GK5: variants seen among roughly 807,000 people sequenced by gnomAD.
GK5 encodes the protein ATP:glycerol 3-phosphotransferase 5.
In GK5, 39 loss-of-function variants were observed where a neutral mutation model predicts 77.3. That is an observed-to-expected ratio of 0.50 (90% CI 0.39 to 0.66). The LOEUF (loss-of-function observed/expected upper bound fraction) is 0.66. GK5 is among the 30% of genes least tolerant of loss of function. GK5 has a pLI of 0.00. For missense variants in GK5, 487 were observed against 633.8 expected, an observed-to-expected ratio of 0.77 and a Z score of 2.49; for synonymous variants, 211 against 208.0, an observed-to-expected ratio of 1.01 and a Z score of -0.13.
chr3:142,216,065 G>A lies in GK5; in HGVS notation c.148-373C>T, dbSNP rs139858762. Reference sequence around the variant, plus strand: ...AAGCACACTCCACCCTGTCTCTTCCGCTAAATACAAATATAACACCTGGAC... The same window carrying A: ...AAGCACACTCCACCCTGTCTCTTCCACTAAATACAAATATAACACCTGGAC... On this transcript the variant is annotated intron_variant, in intron 1 of 15. Coordinates refer to ENST00000392993, the MANE Select transcript of GK5 (RefSeq NM_001039547.3). 9.5e-3 allele frequency among the ~76,000 whole-genome samples: 1,444 copies of A among 152,246 alleles called. 32 individuals carry two copies. The highest frequency in any genetic ancestry group is 0.033 in the African/African-American group (1,365 of 41,536).
chr3:142,193,146 G>A (rs745546254), intron 5 of GK5, among the ~76,000 whole-genome samples: 42 of 152,028 alleles, frequency 2.8e-4, no homozygotes, highest in African/African-American at 9.2e-4. Context: ...ATGTACCACC[G>A]TAATACAAGA....
chr3:142,165,898 T>C (rs2063468714), intron 15 of GK5, 128 bp from the exon 16 acceptor site: 1 of 575,608 alleles, frequency 1.7e-6, no homozygotes, highest in Non-Finnish European at 2.9e-6. Flanking sequence ...TCCAAAATAC[T>C]TTGTTACTTT....
intron 5 of GK5, among the ~76,000 whole-genome samples, chr3:142,191,560 G>A (rs1173896338): frequency 1.3e-5 from 2 of 151,810 alleles, no homozygotes; most frequent in African/African-American, 2.4e-5. Flanking sequence ...AAATTTGGCT[G>A]GGCGCTGTGT....
At position 142,225,396 on chromosome 3, in the gene GK5, G is replaced by A. The variant is rs376175665; in HGVS notation, c.60C>T (p.Phe20=). The A allele has an allele frequency of 7.5e-6, 12 of 1,598,602 alleles. No individual in the cohort carries two copies. Among genetic ancestry groups the A allele is most frequent in the East Asian group, 4.5e-5 (2 of 44,286 alleles). Residue 20 remains phenylalanine (F), a synonymous_variant, in exon 1 of 16, where the codon TTC becomes TTT. Transcript: ENST00000392993. ...QRAQEPRYPG[F]VLGLDVGSSV... ...AACTGCCCACATCCAGCCCCAGCAC[G>A]AAGCCGGGGTACCGCGGCTCCTGCG...
At chr3:142,182,521 G>C (rs1394504680) in intron 10 of GK5, among the ~76,000 whole-genome samples, 2 of 151,992 alleles carry the variant, frequency 1.3e-5, no homozygotes, top group Non-Finnish European at 2.9e-5. Context: ...TAATTTTTTT[G>C]TATTTTTAGT....
intron 5 of GK5, among the ~76,000 whole-genome samples, chr3:142,190,490 C>T (rs1484352016): frequency 6.6e-6 from 1 of 152,156 alleles, no homozygotes; most frequent in African/African-American, 2.4e-5. Flanking sequence ...GCAGAAATTA[C>T]ATTTGAAGAG....
At chr3:142,224,124 G>C (rs1011520356) in intron 1 of GK5, among the ~76,000 whole-genome samples, 6 of 152,120 alleles carry the variant, frequency 3.9e-5, no homozygotes, top group African/African-American at 7.2e-5. Flanking sequence ...ACCATAACAG[G>C]CTGGCTGCAG....
chr3:142,215,398 A>G (rs539220050), intron 2 of GK5, among the ~76,000 whole-genome samples: 1 of 152,308 alleles, frequency 6.6e-6, no homozygotes, highest in South Asian at 2.1e-4. Flanking sequence ...AAACCAGAGG[A>G]CACAGCAGAT....
chr3:142,219,038 A>G (rs577190935), intron 1 of GK5, among the ~76,000 whole-genome samples: 116 of 152,342 alleles, frequency 7.6e-4, no homozygotes, highest in African/African-American at 2.7e-3. Context: ...GTCAAATCAA[A>G]TAAGTTTTAA....
intron 9 of GK5, chr3:142,185,064 T>C: frequency 3.0e-6 from 3 of 985,370 alleles, no homozygotes; most frequent in African/African-American, 1.7e-5. Context: ...AGGTGGTCTC[T>C]ACCTCCTGCT....
chr3:142,181,589 T>C (rs2063698199), intron 10 of GK5, 24 bp from the exon 11 acceptor site: 1 of 1,462,412 alleles, frequency 6.8e-7, no homozygotes, highest in South Asian at 1.2e-5. Context: ...CAACGAATGT[T>C]AAGTCAAATA....
At chr3:142,179,458 G>A (rs914365767) in intron 11 of GK5, among the ~76,000 whole-genome samples, 15 of 152,252 alleles carry the variant, frequency 9.9e-5, no homozygotes, top group African/African-American at 3.4e-4. Context: ...AAGGCAGGAG[G>A]ATCACTTGAA....
rs1164961371 is a variant in GK5 at position 142,223,101 on chromosome 3, G to A, written c.147+2208C>T. ...ACACATTTTCCACAGTTTAGAGTCTGTGCAAATCTTCCTGGCCTCCTGCCA... is the reference window on the plus strand; with the variant it reads ...ACACATTTTCCACAGTTTAGAGTCTATGCAAATCTTCCTGGCCTCCTGCCA... On this transcript the variant is annotated intron_variant, in intron 1 of 15. Transcript: ENST00000392993. Among the ~76,000 whole-genome samples the A allele has an allele frequency of 2.0e-5, 3 of 152,076 alleles. No individual in the cohort carries two copies. The East Asian group carries it at 5.8e-4, about 29-fold the overall frequency.
At chr3:142,176,524 T>C (rs1470874117) in intron 12 of GK5, among the ~76,000 whole-genome samples, 1 of 152,068 alleles carries the variant, frequency 6.6e-6, no homozygotes, top group Non-Finnish European at 1.5e-5. Context: ...ATTCTAAAAT[T>C]AAAGGTAGTA....
At chr3:142,173,663 A>C (rs1373116882) in intron 12 of GK5, among the ~76,000 whole-genome samples, 2 of 151,744 alleles carry the variant, frequency 1.3e-5, no homozygotes, top group Non-Finnish European at 2.9e-5. Flanking sequence ...TAGCCTGGGC[A>C]ACAGAGCAAG....
intron 1 of GK5, among the ~76,000 whole-genome samples, chr3:142,219,670 C>T (rs1200620268): frequency 3.3e-5 from 5 of 152,200 alleles, no homozygotes; most frequent in Non-Finnish European, 5.9e-5. Flanking sequence ...GTCGATTTTA[C>T]TTTAACTTAA....
At chr3:142,216,295 T>A (rs977320641) in intron 1 of GK5, among the ~76,000 whole-genome samples, 52 of 152,096 alleles carry the variant, frequency 3.4e-4, no homozygotes, top group East Asian at 1.9e-3. Flanking sequence ...AGCTCTACTG[T>A]TTTGGCTCAA....
chr3:142,203,549 C>T (rs2064060094), intron 4 of GK5, among the ~76,000 whole-genome samples: 1 of 152,124 alleles, frequency 6.6e-6, no homozygotes, highest in Admixed American at 6.5e-5. Context: ...CCAAGGCAGG[C>T]GGATCATCAG....
At position 142,165,443 on chromosome 3, in the gene GK5, G is replaced by T; in HGVS notation, c.*179C>A. 1 of 463,350 alleles carries T rather than the reference G, an allele frequency of 2.2e-6. No homozygotes were observed. Among genetic ancestry groups the T allele is most frequent in the Non-Finnish European group, 3.7e-6 (1 of 268,250 alleles). 28.7% of individuals were successfully genotyped at this position (463,350 alleles called of 1,614,324 possible). ...TATTGCTGCCTTACCATGGTTTAGG[G>T]GAAAAAAATAAGAGTTTTTTGTTCC... On this transcript the variant is annotated 3_prime_UTR_variant, in exon 16 of 16. Coordinates refer to ENST00000392993, the MANE Select transcript of GK5 (RefSeq NM_001039547.3).
Sources: gnomAD v4.1 joint callset for allele counts (sites outside exome capture counted in the v4.1 genomes callset) on GRCh38, gnomAD v4.1.1 for gene constraint, MANE v1.5 for transcripts, NCBI Gene and HGNC (gene_info 2026-07-23, HGNC 2026-07-21) for gene names.